The following ZC3H13 variants were observed in gnomAD, a reference collection of about 807,000 sequenced individuals.
The protein encoded by ZC3H13 is zinc finger CCCH domain-containing protein 13.
Under a neutral mutation model 204.1 loss-of-function variants are expected in ZC3H13, and 64 were observed. The observed-to-expected ratio is 0.31, with a 90% CI of 0.26 to 0.39. The LOEUF is 0.39. Among genes scored for constraint, ZC3H13 ranks in the 10% least tolerant of loss-of-function variants. The probability of loss-of-function intolerance (pLI) is 1.00; values close to 1 mark genes in which losing one functional copy is unlikely to be tolerated. For synonymous variants in ZC3H13, 667 were observed against 693.7 expected, an observed-to-expected ratio of 0.96 and a Z score of 0.60; for missense variants, 1,833 against 2,082.7, an observed-to-expected ratio of 0.88 and a Z score of 2.33.
Position 45,975,376 on chromosome 13 carries a change from T to A in ZC3H13, c.2375A>T (p.Asp792Val). The change falls in exon 12 of 19, where the codon GAC (aspartate) becomes GTC (valine). Residue 792 changes from aspartate (D) to valine (V), a missense_variant. Physicochemically the swap from Asp to Val is radical, Grantham distance 152 (BLOSUM62 -3). This residue lies in a region of ZC3H13 where 1,574 missense variants were observed against 1,757.2 expected (regional missense o/e 0.90). Coordinates refer to ENST00000679008, the MANE Select transcript of ZC3H13 (RefSeq NM_001330564.2). The part of the protein sequence containing the change: ...KERERQRDWE[D>V]KDKGRDDRRE... ...GCGGTCATCTCGTCCTTTGTCTTTG[T>A]CTTCCCAATCCCTTTGGCGTTCTCG... 1.2e-6 allele frequency: 2 copies of A among 1,614,108 alleles called. No homozygotes were observed. The highest frequency in any genetic ancestry group is 1.7e-6 in the Non-Finnish European group (2 of 1,179,998).
chr13:45,967,716 T>G lies in ZC3H13; in HGVS notation c.4109A>C (p.Asp1370Ala). 1 of 1,614,002 alleles carries G rather than the reference T, an allele frequency of 6.2e-7. No homozygotes were observed. Among genetic ancestry groups the G allele is most frequent in the Non-Finnish European group, 8.5e-7 (1 of 1,179,984 alleles). ...AGTTCTGTCTCTGTCTCTGTCCCTG[T>G]CCCTTTCAACAGAATCAGAAATTAG... ...ERLISDSVER[D>A]RDRDRDRTFE... The change falls in exon 15 of 19, where the codon GAC (aspartate) becomes GCC (alanine). Residue 1370 changes from aspartate to alanine, a missense_variant. This residue lies in a region of ZC3H13 where 1,574 missense variants were observed against 1,757.2 expected (regional missense o/e 0.90). Coordinates refer to ENST00000679008, the MANE Select transcript of ZC3H13 (RefSeq NM_001330564.2).
chr13:45,963,580 G>T (rs536405013), intron 17 of ZC3H13: 4 of 1,220,690 alleles, frequency 3.3e-6, no homozygotes, highest in Non-Finnish European at 4.1e-6. Context: ...GCAACACCAC[G>T]CCTGGCCTGT....
intron 18 of ZC3H13, among the ~76,000 whole-genome samples, chr13:45,958,693 T>C (rs1485370622): frequency 7.1e-6 from 1 of 141,128 alleles, no homozygotes; most frequent in East Asian, 2.2e-4. Context: ...TCTTGCTTTG[T>C]CGCCCAGGCT....
intron 18 of ZC3H13, 33 bp downstream of exon 18, chr13:45,959,450 C>A: frequency 1.3e-6 from 2 of 1,499,796 alleles, no homozygotes; most frequent in South Asian, 1.3e-5. Context: ...TCACACTATT[C>A]ACTTTGTATT....
intron 12 of ZC3H13, among the ~76,000 whole-genome samples, chr13:45,971,756 A>G (rs1952601341): frequency 6.6e-6 from 1 of 152,206 alleles, no homozygotes; most frequent in Non-Finnish European, 1.5e-5. Flanking sequence ...TATGTATCCA[A>G]CAAAGGACTA....
At chr13:45,961,634 C>T (rs922857950) in intron 17 of ZC3H13, among the ~76,000 whole-genome samples, 1 of 150,112 alleles carries the variant, frequency 6.7e-6, no homozygotes, top group Non-Finnish European at 1.5e-5. Flanking sequence ...ACGAATAAGA[C>T]TTAGTATTTG....
At chr13:45,993,231 T>C (rs2040091579) in intron 8 of ZC3H13, among the ~76,000 whole-genome samples, 1 of 152,224 alleles carries the variant, frequency 6.6e-6, no homozygotes, top group Non-Finnish European at 1.5e-5. Flanking sequence ...AAAAAGTATG[T>C]GCTTTTTACT....
chr13:46,045,588 A>G, intron 1 of ZC3H13, 72 bp from the exon 2 acceptor site: 1 of 1,032,118 alleles, frequency 9.7e-7, no homozygotes, highest in Middle Eastern at 2.1e-4. Flanking sequence ...ACAGCTTACA[A>G]GTAGATAAAA....
At chr13:46,050,225 GAGAAACTTAGAATA>G (rs1220160981) in intron 1 of ZC3H13, among the ~76,000 whole-genome samples, 4 of 151,944 alleles carry the variant, frequency 2.6e-5, no homozygotes, top group African/African-American at 9.7e-5. Flanking sequence ...CCCTTGCCCC[GAGAAACTTAGAATA>G]ACACTGTACT....
At chr13:46,041,121 T>C (rs2043551104) in intron 4 of ZC3H13, among the ~76,000 whole-genome samples, 1 of 152,116 alleles carries the variant, frequency 6.6e-6, no homozygotes, top group Non-Finnish European at 1.5e-5. Context: ...TACAAACTTG[T>C]ACATAAATGT....
At chr13:46,010,628 G>T in intron 6 of ZC3H13, 123 bp from the exon 7 acceptor site, 1 of 975,296 alleles carries the variant, frequency 1.0e-6, no homozygotes, top group Non-Finnish European at 1.5e-6. Context: ...GGGTGCAGTG[G>T]TTCACACCTG....
chr13:45,983,394 CTTCT>C (rs1241826952), intron 10 of ZC3H13, among the ~76,000 whole-genome samples: 1 of 61,276 alleles, frequency 1.6e-5, no homozygotes, highest in Non-Finnish European at 2.7e-5. Flanking sequence ...AGCAAAGCCC[CTTCT>C]ACTTATATAT....
intron 16 of ZC3H13, 108 bp from the exon 17 acceptor site, chr13:45,964,150 A>T: frequency 1.0e-6 from 1 of 997,726 alleles, no homozygotes; most frequent in Non-Finnish European, 1.4e-6. Flanking sequence ...AATGAAAAGT[A>T]CTTTAAACCA....
At chr13:46,037,578 C>T (rs1306771416) in intron 4 of ZC3H13, among the ~76,000 whole-genome samples, 1 of 152,174 alleles carries the variant, frequency 6.6e-6, no homozygotes, top group Non-Finnish European at 1.5e-5. Context: ...AAATACAATT[C>T]CATTTTAATC....
At position 46,045,445 on chromosome 13, in the gene ZC3H13, G is replaced by A; in HGVS notation, c.63C>T (p.Ser21=). 6.2e-7 allele frequency: 1 copy of A among 1,614,078 alleles called. No individual in the cohort carries two copies. Among genetic ancestry groups the A allele is most frequent in the Non-Finnish European group, 8.5e-7 (1 of 1,179,990 alleles). Residue 21 remains serine (S), a synonymous_variant, in exon 2 of 19, where the codon TCC becomes TCT. Coordinates refer to ENST00000679008, the MANE Select transcript of ZC3H13 (RefSeq NM_001330564.2). The part of the protein sequence containing the change: ...ENTKTISDST[S]RRPSVFERLG... The stretch of plus-strand genomic sequence containing the variant: ...GCCTCTCAAATACACTGGGTCTTCG[G>A]GATGTGCTATCAGATATAGTCTTGG...
At chr13:46,045,105 C>G (rs764254928) in intron 2 of ZC3H13, 41 bp from the exon 3 acceptor site, 1 of 1,521,652 alleles carries the variant, frequency 6.6e-7, no homozygotes, top group Non-Finnish European at 8.9e-7. Flanking sequence ...ATATTTATTT[C>G]TGGAAAAAAA....
intron 8 of ZC3H13, among the ~76,000 whole-genome samples, chr13:46,002,779 G>A (rs2138507603): frequency 6.6e-6 from 1 of 152,164 alleles, no homozygotes; most frequent in Non-Finnish European, 1.5e-5. Flanking sequence ...GTGGAAAGGG[G>A]GAGTTATTTT....
Position 46,011,253 on chromosome 13 carries a change from T to C in ZC3H13, c.588+162A>G, listed in dbSNP as rs574953332. On this transcript the variant is annotated intron_variant, in intron 6 of 18. Coordinates refer to ENST00000679008, the MANE Select transcript of ZC3H13 (RefSeq NM_001330564.2). ...ATTTGCTACTTATCTAATAGAATAA[T>C]GTGAAAATTAAATGAATATATATGG... Among the ~76,000 whole-genome samples the C allele has an allele frequency of 3.3e-5, 5 of 152,324 alleles. No individual in the cohort carries two copies. The South Asian group carries it at 1.0e-3, about 32-fold the overall frequency.
chr13:45,969,844 C>G lies in ZC3H13; in HGVS notation c.2700G>C (p.Glu900Asp), dbSNP rs866590223. ...CCTGTTCTTCGTAGCGCCTTGAACT[C>G]TCTTTCCTTTCTGGTTTACGATCCT... Reference protein sequence around the residue: ...KEEDRKPERKESSRRYEEQEL... With the variant: ...KEEDRKPERKDSSRRYEEQEL... Residue 900 changes from glutamate (E) to aspartate (D), a missense_variant, in exon 14 of 19, where the codon GAG (glutamate) becomes GAC (aspartate). Transcript: ENST00000679008. 1.2e-6 allele frequency: 2 copies of G among 1,613,844 alleles called. No homozygotes were observed. The highest frequency in any genetic ancestry group is 2.7e-5 in the African/African-American group (2 of 74,900).
Sources: allele counts gnomAD v4.1 joint callset (sites outside exome capture counted in the v4.1 genomes callset), GRCh38; gene constraint gnomAD v4.1.1; regional missense constraint gnomAD v4.1.1; transcripts MANE v1.5; gene names NCBI Gene and HGNC (gene_info 2026-07-23, HGNC 2026-07-21).